Variants in CD200R1 observed in about 807,000 individuals in gnomAD.
CD200R1 encodes the protein cell surface glycoprotein CD200 receptor 1.
In CD200R1, 30 loss-of-function variants were observed where a neutral mutation model predicts 38.1. That is an observed-to-expected ratio of 0.79 (90% CI 0.59 to 1.07). The LOEUF (loss-of-function observed/expected upper bound fraction) is 1.07, where lower values mean the gene tolerates loss of function less well. CD200R1 is among the 50% of genes least tolerant of loss of function. CD200R1 has a pLI of 0.00. For missense variants in CD200R1, 372 were observed against 415.4 expected (o/e 0.90, Z 0.91); for synonymous variants, 128 against 152.1 (o/e 0.84, Z 1.16).
intron 3 of CD200R1, 113 bp from the exon 4 acceptor site, chr3:112,929,620 T>G (rs1331715282): frequency 1.8e-5 from 17 of 947,690 alleles, no homozygotes; most frequent in Non-Finnish European, 2.6e-5. Flanking sequence ...GTGATCTTAT[T>G]CCAAAAATAT....
intron 2 of CD200R1, among the ~76,000 whole-genome samples, chr3:112,936,136 C>T (rs1576132241): frequency 6.6e-6 from 1 of 152,340 alleles, no homozygotes; most frequent in East Asian, 1.9e-4. Flanking sequence ...GACATGAACT[C>T]ATCTATACAT....
chr3:112,965,261 GA>G (rs535250995), intron 1 of CD200R1, among the ~76,000 whole-genome samples: 62 of 152,314 alleles, frequency 4.1e-4, no homozygotes, highest in African/African-American at 1.4e-3. Flanking sequence ...CTTAAGATCT[GA>G]AAGAGAGTAA....
At chr3:112,974,093 G>A (rs571582395) in intron 1 of CD200R1, among the ~76,000 whole-genome samples, 1 of 152,138 alleles carries the variant, frequency 6.6e-6, no homozygotes, top group African/African-American at 2.4e-5. Flanking sequence ...CTATGCCACT[G>A]GCAATGTGGA....
intron 1 of CD200R1, among the ~76,000 whole-genome samples, chr3:112,951,241 C>T (rs549926454): frequency 2.6e-5 from 4 of 152,054 alleles, no homozygotes; most frequent in African/African-American, 7.2e-5. Context: ...AACAATATTA[C>T]GCTAATCAAA....
At chr3:112,927,065 T>C (rs1355107522) in intron 5 of CD200R1, among the ~76,000 whole-genome samples, 1 of 152,052 alleles carries the variant, frequency 6.6e-6, no homozygotes, top group Non-Finnish European at 1.5e-5. Flanking sequence ...CCTGCTCCAT[T>C]TTATGTAGCA....
At chr3:112,925,334 A>G (rs764715161) in intron 5 of CD200R1, 141 bp from the exon 6 acceptor site, 1 of 563,872 alleles carries the variant, frequency 1.8e-6, no homozygotes, top group Non-Finnish European at 3.2e-6. Context: ...TAAGTGAAAC[A>G]TGCCAATCTG....
rs1940185655 is a variant in CD200R1, at chr3:112,922,295, TATGGAGCAAATAGAC to T, written c.*1367_*1381del. The T allele has an allele frequency of 6.6e-6, 1 of 152,058 alleles. No individual in the cohort carries two copies. The highest frequency in any genetic ancestry group is 2.4e-5 in the African/African-American group (1 of 41,458). 9.4% of individuals were successfully genotyped at this position (152,058 alleles called of 1,614,324 possible). A position where few individuals can be genotyped will look rare whatever the true frequency, so the allele number is the denominator to read the frequency against. On this transcript the variant is annotated 3_prime_UTR_variant, in exon 8 of 8. Transcript: ENST00000308611. Reference sequence around the variant, plus strand: ...AAAAAACTTCTCATGTTTTTTCTGCTATGGAGCAAATAGACTTATGTTTTTAATTAAAAATAATTT... The same window carrying T: ...AAAAAACTTCTCATGTTTTTTCTGCTTTATGTTTTTAATTAAAAATAATTT...
intron 2 of CD200R1, among the ~76,000 whole-genome samples, chr3:112,946,173 A>T (rs1371611199): frequency 6.6e-6 from 1 of 152,212 alleles, no homozygotes; most frequent in African/African-American, 2.4e-5. Context: ...CTTGTATAAA[A>T]TGGCTTAGTA....
intron 2 of CD200R1, among the ~76,000 whole-genome samples, chr3:112,939,333 C>T (rs143058995): frequency 0.018 from 2,694 of 151,926 alleles, 29 homozygotes; most frequent in South Asian, 0.047. Context: ...AGGAGGAAGT[C>T]AAATTGTCCA....
At chr3:112,947,106 A>G (rs1940882009) in intron 2 of CD200R1, among the ~76,000 whole-genome samples, 1 of 152,162 alleles carries the variant, frequency 6.6e-6, no homozygotes. Flanking sequence ...GTATACCAGG[A>G]TTGCCTGGGG....
chr3:112,971,259 C>T (rs1933302919), intron 1 of CD200R1, among the ~76,000 whole-genome samples: 1 of 152,092 alleles, frequency 6.6e-6, no homozygotes, highest in African/African-American at 2.4e-5. Flanking sequence ...ACATAAGTAG[C>T]TATTATATTG....
chr3:112,928,710 G>T, intron 5 of CD200R1, 106 bp downstream of exon 5: 1 of 813,612 alleles, frequency 1.2e-6, no homozygotes, highest in Non-Finnish European at 1.9e-6. Context: ...AAAATGAAGA[G>T]TGGGGAGAGC....
intron 1 of CD200R1, among the ~76,000 whole-genome samples, chr3:112,952,589 G>C (rs1050431917): frequency 6.6e-6 from 1 of 151,912 alleles, no homozygotes; most frequent in African/African-American, 2.4e-5. Flanking sequence ...TGAACAATGA[G>C]AACACATGGA....
At chr3:112,933,284 A>G (rs1055225023) in intron 2 of CD200R1, among the ~76,000 whole-genome samples, 28 of 152,188 alleles carry the variant, frequency 1.8e-4, no homozygotes, top group African/African-American at 6.8e-4. Context: ...GCCCAGGGCC[A>G]GAGTAAGAGC....
At chr3:112,948,143 A>G (rs1940904611) in intron 1 of CD200R1, among the ~76,000 whole-genome samples, 1 of 152,162 alleles carries the variant, frequency 6.6e-6, no homozygotes, top group Non-Finnish European at 1.5e-5. Context: ...GTCCTGCTTT[A>G]AGCCCAGAGT....
chr3:112,974,450 G>A (rs878876445), intron 1 of CD200R1, among the ~76,000 whole-genome samples: 7 of 151,930 alleles, frequency 4.6e-5, no homozygotes, highest in Admixed American at 4.6e-4. Flanking sequence ...AAGGGGGTTG[G>A]GGAAGAGAAT....
At chr3:112,928,186 C>T (rs1940325072) in intron 5 of CD200R1, among the ~76,000 whole-genome samples, 2 of 152,090 alleles carry the variant, frequency 1.3e-5, no homozygotes. Context: ...AAGTACCTAC[C>T]TGTGGGGAGT....
chr3:112,970,883 TG>T (rs1311837914), intron 1 of CD200R1, among the ~76,000 whole-genome samples: 2 of 152,204 alleles, frequency 1.3e-5, no homozygotes, highest in African/African-American at 4.8e-5. Context: ...TACTCCACTT[TG>T]GCTCCCTTCC....
chr3:112,962,284 GTAT>G (rs2107340816), intron 1 of CD200R1, among the ~76,000 whole-genome samples: 1 of 152,186 alleles, frequency 6.6e-6, no homozygotes, highest in East Asian at 1.9e-4. Flanking sequence ...GTGTAAATGT[GTAT>G]CACTGATCAC....
Sources: allele counts gnomAD v4.1 joint callset (sites outside exome capture counted in the v4.1 genomes callset), GRCh38; gene constraint gnomAD v4.1.1; transcripts MANE v1.5; gene names NCBI Gene and HGNC (gene_info 2026-07-23, HGNC 2026-07-21).